The following TAFA5 variants were observed in gnomAD, a reference collection of about 807,000 sequenced individuals.
The protein encoded by TAFA5 is chemokine-like protein TAFA-5.
TAFA5 carries 6 observed loss-of-function variants against 15.3 expected under a neutral mutation model. The ratio of observed to expected loss-of-function variants is 0.39; its 90% CI spans 0.21 to 0.77. TAFA5 has a LOEUF of 0.77. Among genes scored for constraint, TAFA5 ranks in the 30% least tolerant of loss-of-function variants. The pLI is 0.41. For missense variants in TAFA5, 161 were observed against 193.1 expected (o/e 0.83, Z 0.98); for synonymous variants, 103 against 80.7 (o/e 1.28, Z -1.48).
At chr22:48,545,919 C>T (rs1212181741) in intron 1 of TAFA5, among the ~76,000 whole-genome samples, 3 of 152,130 alleles carry the variant, frequency 2.0e-5, no homozygotes, top group Middle Eastern at 3.2e-3. Context: ...TATAACTTGG[C>T]TGGGTTCTGC....
chr22:48,590,280 T>C (rs1162656767), intron 1 of TAFA5, among the ~76,000 whole-genome samples: 1 of 152,182 alleles, frequency 6.6e-6, no homozygotes, highest in Non-Finnish European at 1.5e-5. Flanking sequence ...TGCTCCTCCT[T>C]CCATAAATCC....
intron 1 of TAFA5, among the ~76,000 whole-genome samples, chr22:48,532,578 C>G (rs1311972141): frequency 6.6e-6 from 1 of 152,198 alleles, no homozygotes; most frequent in African/African-American, 2.4e-5. Context: ...GATGGGAGAC[C>G]TCAGGCTGCA....
rs1930223553 is a variant in TAFA5, at chr22:48,742,914, A to G, written c.391-6925A>G. Among the ~76,000 whole-genome samples the G allele has an allele frequency of 6.6e-6, 1 of 152,160 alleles. No individual in the cohort carries two copies. On this transcript the variant is annotated intron_variant, in intron 3 of 3. Transcript: ENST00000402357. This position sits in a 1 kb window ranked among gnomAD's most constrained non-coding sequence, Gnocchi z 6.2. ...CATGCAGCCCACACGCGGGGCCCCC[A>G]CAGTGCGGACATGTTGGGGCAATGC...
At chr22:48,508,063 T>A (rs560558073) in intron 1 of TAFA5, among the ~76,000 whole-genome samples, 1 of 151,910 alleles carries the variant, frequency 6.6e-6, no homozygotes, top group African/African-American at 2.4e-5. Context: ...AGCCGCCCGC[T>A]TGCAGAGAGG....
rs1404229721 is a variant in TAFA5, at chr22:48,751,429, A to C, written c.*1582A>C. 6.6e-6 allele frequency: 1 copy of C among 152,436 alleles called. No homozygotes were observed. Among genetic ancestry groups the C allele is most frequent in the African/African-American group, 2.4e-5 (1 of 41,428 alleles). 9.4% of individuals were successfully genotyped at this position (152,436 alleles called of 1,614,324 possible). On this transcript the variant is annotated 3_prime_UTR_variant, in exon 4 of 4. Coordinates refer to ENST00000402357, the MANE Select transcript of TAFA5 (RefSeq NM_001082967.3). ...CCTTCATTTTCCTGAGTTCCCGCTGAAGTATATACTACCTATGAGTCCAAT... is the reference window on the plus strand; with the variant it reads ...CCTTCATTTTCCTGAGTTCCCGCTGCAGTATATACTACCTATGAGTCCAAT...
chr22:48,653,349 G>A (rs1927123115), intron 2 of TAFA5, among the ~76,000 whole-genome samples: 1 of 152,212 alleles, frequency 6.6e-6, no homozygotes, highest in Admixed American at 6.5e-5. Context: ...GGTTCCCTAG[G>A]ACGTGGATGT....
At position 48,494,394 on chromosome 22, in the gene TAFA5, G is replaced by T. The variant is rs1192838156; in HGVS notation, c.112+4690G>T. On this transcript the variant is annotated intron_variant, in intron 1 of 3. Transcript: ENST00000402357. ...CCGGAGCACTGTCAGCGATGGTCCA[G>T]CCCCAGCATTCAGGGTGGAGATGGA... is the stretch of plus-strand genomic sequence containing the variant. 3.3e-5 allele frequency among the ~76,000 whole-genome samples: 5 copies of T among 152,208 alleles called. No individual in the cohort carries two copies. In the East Asian group the frequency reaches 9.6e-4, roughly 29 times the overall value.
At chr22:48,699,454 G>C (rs1194966457) in intron 2 of TAFA5, among the ~76,000 whole-genome samples, 2 of 152,194 alleles carry the variant, frequency 1.3e-5, no homozygotes, top group Non-Finnish European at 2.9e-5. Flanking sequence ...ATGCTTCTCG[G>C]TGACAGGGCA....
At position 48,668,789 on chromosome 22, in the gene TAFA5, C is replaced by T. The variant is rs557724963; in HGVS notation, c.262+22043C>T. ...TCCCCCAGCACTCAGGGCCACAGGC[C>T]GCGATCTTGGGAGGACACCACCTGG... is the stretch of plus-strand genomic sequence containing the variant. On this transcript the variant is annotated intron_variant, in intron 2 of 3. Coordinates refer to ENST00000402357, the MANE Select transcript of TAFA5 (RefSeq NM_001082967.3). 8.5e-5 allele frequency among the ~76,000 whole-genome samples: 13 copies of T among 152,096 alleles called. No homozygotes were observed. The East Asian group carries it at 2.3e-3, about 27-fold the overall frequency.
intron 1 of TAFA5, among the ~76,000 whole-genome samples, chr22:48,525,148 T>C (rs965761337): frequency 1.3e-5 from 2 of 152,212 alleles, no homozygotes; most frequent in Non-Finnish European, 2.9e-5. Flanking sequence ...CCCAAGACCC[T>C]TGACTTAATC....
At chr22:48,603,220 T>G (rs1031704396) in intron 1 of TAFA5, among the ~76,000 whole-genome samples, 3 of 152,222 alleles carry the variant, frequency 2.0e-5, no homozygotes, top group African/African-American at 7.2e-5. Context: ...TCCATACCCA[T>G]GCGCACTGCC....
chr22:48,613,739 T>G (rs1412367840), intron 1 of TAFA5, among the ~76,000 whole-genome samples: 1 of 152,200 alleles, frequency 6.6e-6, no homozygotes, highest in Non-Finnish European at 1.5e-5. Context: ...AGCCCGGGGC[T>G]CCCAGCCTGA....
chr22:48,747,426 C>T (rs1203726297), intron 3 of TAFA5, among the ~76,000 whole-genome samples: 1 of 152,216 alleles, frequency 6.6e-6, no homozygotes, highest in Non-Finnish European at 1.5e-5. Flanking sequence ...GCTTCCTGAA[C>T]ATGGCTGGGA....
intron 3 of TAFA5, among the ~76,000 whole-genome samples, chr22:48,718,152 C>T (rs1026536902): frequency 6.6e-6 from 1 of 152,186 alleles, no homozygotes; most frequent in Non-Finnish European, 1.5e-5. Context: ...CTCCCAGAGA[C>T]AGGCAGGCGA....
intron 1 of TAFA5, among the ~76,000 whole-genome samples, chr22:48,639,224 C>T (rs1473679656): frequency 1.7e-5 from 2 of 120,088 alleles, no homozygotes; most frequent in Non-Finnish European, 4.2e-5. Context: ...TGGGGACCTG[C>T]CCCCGGGCCC....
At chr22:48,653,102 C>T (rs1927112762) in intron 2 of TAFA5, among the ~76,000 whole-genome samples, 1 of 152,206 alleles carries the variant, frequency 6.6e-6, no homozygotes, top group Admixed American at 6.5e-5. Context: ...ACTGCTGCCA[C>T]CCGCGGCCTT....
intron 1 of TAFA5, among the ~76,000 whole-genome samples, chr22:48,642,685 G>A (rs1374571740): frequency 6.6e-6 from 1 of 152,190 alleles, no homozygotes; most frequent in Non-Finnish European, 1.5e-5. Context: ...AGTATGTGGT[G>A]TGTGGCCTGC....
At chr22:48,589,027 G>A (rs1315124828) in intron 1 of TAFA5, among the ~76,000 whole-genome samples, 2 of 152,214 alleles carry the variant, frequency 1.3e-5, no homozygotes, top group Admixed American at 6.5e-5. Context: ...ACCGATAGAA[G>A]AATGCAGACC....
intron 2 of TAFA5, among the ~76,000 whole-genome samples, chr22:48,649,437 C>G (rs567304418): frequency 7.1e-4 from 108 of 152,296 alleles, no homozygotes; most frequent in African/African-American, 2.5e-3. Context: ...TCAGAGGCTT[C>G]TGGTGCATTT....
Sources: allele counts gnomAD v4.1 joint callset (sites outside exome capture counted in the v4.1 genomes callset), GRCh38; gene constraint gnomAD v4.1.1; non-coding constraint Gnocchi (gnomAD v3.1); transcripts MANE v1.5; gene names NCBI Gene and HGNC (gene_info 2026-07-23, HGNC 2026-07-21).